NLRP13: variants seen among roughly 807,000 people sequenced by gnomAD.
NLRP13 encodes the protein NLR family pyrin domain containing 13, also known as NACHT, LRR and PYD domains-containing protein 13.
NLRP13 carries 82 observed loss-of-function variants against 94.4 expected under a neutral mutation model. The observed-to-expected ratio is 0.87, with a 90% CI of 0.73 to 1.04. The LOEUF is 1.04. Ranked by LOEUF, NLRP13 falls within the 50% of genes least tolerant of loss-of-function variation. The probability of loss-of-function intolerance (pLI) is 0.00; values close to 1 mark genes in which losing one functional copy is unlikely to be tolerated. For synonymous variants in NLRP13, 553 were observed against 464.7 expected (o/e 1.19, Z -2.45); for missense variants, 1,426 against 1,230.8 (o/e 1.16, Z -2.37).
chr19:55,902,419 A>C (rs1488858664), intron 8 of NLRP13, among the ~76,000 whole-genome samples: 2 of 152,136 alleles, frequency 1.3e-5, no homozygotes, highest in Non-Finnish European at 2.9e-5. Flanking sequence ...GAGTACACCA[A>C]GTCTGTGGTT....
chr19:55,901,452 C>T (rs772242124), intron 9 of NLRP13, among the ~76,000 whole-genome samples: 1 of 151,950 alleles, frequency 6.6e-6, no homozygotes, highest in South Asian at 2.1e-4. Context: ...AAGTCGTCTG[C>T]GATGAGCTGG....
At position 55,912,488 on chromosome 19, in the gene NLRP13, G is replaced by A. The variant is rs768162534; in HGVS notation, c.1329C>T (p.Tyr443=). 4.5e-5 allele frequency: 72 copies of A among 1,614,092 alleles called. No individual in the cohort carries two copies. In the East Asian group the frequency reaches 7.1e-4, roughly 16 times the overall value. ...SCLKQPKVRY[Y]DLQSITQTTT... is the part of the protein sequence containing the mutation. ...TAGTCTGAGTGATTGACTGGAGATC[G>A]TAATACCTCACCTTCGGCTGCTTCA... The change falls in exon 5 of 11, where the codon TAC becomes TAT. Residue 443 remains tyrosine (Y), a synonymous_variant. Transcript: ENST00000342929.
intron 10 of NLRP13, among the ~76,000 whole-genome samples, chr19:55,898,208 TTTTG>T (rs1262828919): frequency 0.44 from 55,404 of 126,812 alleles, 11,682 homozygotes; most frequent in East Asian, 0.59. Flanking sequence ...TTGTTTTTGT[TTTTG>T]TTTTTTTTTT....
intron 8 of NLRP13, among the ~76,000 whole-genome samples, chr19:55,903,590 A>G (rs1986251869): frequency 1.3e-5 from 2 of 152,134 alleles, no homozygotes; most frequent in South Asian, 2.1e-4. Context: ...TCTGAATGGC[A>G]TCTCAAGCTC....
rs1987159158 is a variant in NLRP13 at position 55,932,007 on chromosome 19, C to G, written c.305G>C (p.Arg102Thr). 1 of 1,613,552 alleles carries G rather than the reference C, an allele frequency of 6.2e-7. No homozygotes were observed. The change falls in exon 1 of 11, where the codon AGA (arginine) becomes ACA (threonine). Residue 102 changes from arginine to threonine, a missense_variant. By Grantham distance (71) the Arg-to-Thr change is moderately conservative. Transcript: ENST00000342929. ...AGGACTCTCACCTTTCATCTCGGCTCTAACTTTCTCACACAGTGAGGTCAG... is the reference window on the plus strand; with the variant it reads ...AGGACTCTCACCTTTCATCTCGGCTGTAACTTTCTCACACAGTGAGGTCAG... Reference protein sequence around the residue: ...MNLTSLCEKVRAEMKENVQTQ... With the variant: ...MNLTSLCEKVTAEMKENVQTQ...
At chr19:55,917,850 GATC>G (rs2123133170) in intron 4 of NLRP13, among the ~76,000 whole-genome samples, 1 of 152,148 alleles carries the variant, frequency 6.6e-6, no homozygotes, top group Non-Finnish European at 1.5e-5. Flanking sequence ...GCACTAGACA[GATC>G]ATCAAGACAG....
intron 1 of NLRP13, among the ~76,000 whole-genome samples, chr19:55,931,605 A>G (rs1223942607): frequency 6.7e-6 from 1 of 150,096 alleles, no homozygotes; most frequent in African/African-American, 2.5e-5. Flanking sequence ...GCTACTTGGG[A>G]GGCTGAGGCA....
chr19:55,923,997 G>A lies in NLRP13; in HGVS notation c.458-18C>T. On this transcript the variant is annotated intron_variant, in intron 3 of 10. Transcript: ENST00000342929. The stretch of plus-strand genomic sequence containing the variant: ...TACATTCCCTGAAATAAACAGTGAT[G>A]ATGAGATATGAAAATACCCCAGACT... 6 of 1,604,408 alleles carry A rather than the reference G, an allele frequency of 3.7e-6. No homozygotes were observed. Among genetic ancestry groups the A allele is most frequent in the Non-Finnish European group, 4.3e-6 (5 of 1,171,212 alleles).
chr19:55,896,151 T>C, intron 10 of NLRP13, 32 bp from the exon 11 acceptor site: 2 of 1,608,284 alleles, frequency 1.2e-6, no homozygotes, highest in Non-Finnish European at 1.7e-6. Flanking sequence ...GCACAACAGA[T>C]AGTCCTCTGA....
At chr19:55,929,715 T>A (rs1987061272) in intron 1 of NLRP13, among the ~76,000 whole-genome samples, 1 of 152,102 alleles carries the variant, frequency 6.6e-6, no homozygotes, top group Non-Finnish European at 1.5e-5. Context: ...ATGGCATGTG[T>A]CTACCTATGT....
At chr19:55,897,510 A>C (rs1986047719) in intron 10 of NLRP13, among the ~76,000 whole-genome samples, 1 of 152,204 alleles carries the variant, frequency 6.6e-6, no homozygotes, top group South Asian at 2.1e-4. Flanking sequence ...CATCAAAACA[A>C]ACAAAAAACC....
intron 4 of NLRP13, among the ~76,000 whole-genome samples, chr19:55,920,096 A>G (rs1986781147): frequency 6.6e-6 from 1 of 152,218 alleles, no homozygotes; most frequent in South Asian, 2.1e-4. Flanking sequence ...ACTCTATTCA[A>G]TAAACGGTGC....
rs140606375 is a variant in NLRP13, at chr19:55,911,813, G to A, written c.2004C>T (p.Asp668=). The A allele has an allele frequency of 6.6e-5, 106 of 1,614,002 alleles. No individual in the cohort carries two copies. Among genetic ancestry groups the A allele is most frequent in the African/African-American group, 6.3e-4 (47 of 74,998 alleles). ...AAAATGAAGAAGCTTGGAGTTCTTC[G>A]TCCTCCAAAATATTAAGGTCAACTT... The part of the protein sequence containing the change: ...IFEVDLNILE[D]EELQASSFCL... The change falls in exon 5 of 11, where the codon GAC becomes GAT. Residue 668 remains aspartate, a synonymous_variant. Transcript: ENST00000342929.
rs180676380 is a variant in NLRP13, at chr19:55,901,596, G to A, written c.2789+439C>T. Among the ~76,000 whole-genome samples the A allele has an allele frequency of 5.3e-5, 8 of 152,298 alleles. No homozygotes were observed. The East Asian group carries it at 1.5e-3, about 29-fold the overall frequency. ...GAAAGGGAAGGGGAGCGGTACTGTG[G>A]ATTGAAGAAGAAAGGATTGATCAGG... On this transcript the variant is annotated intron_variant, in intron 9 of 10. Transcript: ENST00000342929.
intron 10 of NLRP13, among the ~76,000 whole-genome samples, chr19:55,898,212 G>GTTTTTT (rs996847207): frequency 7.1e-5 from 2 of 28,072 alleles, no homozygotes; most frequent in African/African-American, 1.5e-4. Context: ...TTTTGTTTTT[G>GTTTTTT]TTTTTTTTTT....
intron 8 of NLRP13, among the ~76,000 whole-genome samples, chr19:55,902,627 C>T (rs34390489): frequency 0.16 from 24,484 of 151,970 alleles, 2,101 homozygotes; most frequent in African/African-American, 0.19. Context: ...AGAGAGCTGC[C>T]AGTGAGCCCA....
chr19:55,899,273 C>G (rs181987056), intron 9 of NLRP13, among the ~76,000 whole-genome samples: 1 of 152,120 alleles, frequency 6.6e-6, no homozygotes, highest in Non-Finnish European at 1.5e-5. Context: ...CCTTCAAGCT[C>G]GACAGTTGAG....
At chr19:55,919,092 G>A (rs140781793) in intron 4 of NLRP13, among the ~76,000 whole-genome samples, 19 of 152,070 alleles carry the variant, frequency 1.2e-4, no homozygotes, top group Non-Finnish European at 1.9e-4. Context: ...AATGTGATTC[G>A]CCACATAAAC....
intron 4 of NLRP13, among the ~76,000 whole-genome samples, chr19:55,914,960 A>T (rs1338192363): frequency 6.6e-6 from 1 of 152,228 alleles, no homozygotes; most frequent in African/African-American, 2.4e-5. Context: ...GACAAATGCC[A>T]GATGATTTCA....
Sources: allele counts gnomAD v4.1 joint callset (sites outside exome capture counted in the v4.1 genomes callset), GRCh38; gene constraint gnomAD v4.1.1; transcripts MANE v1.5; gene names NCBI Gene and HGNC (gene_info 2026-07-23, HGNC 2026-07-21).